DENND4A: variants seen among roughly 807,000 people sequenced by gnomAD.
The protein encoded by DENND4A is DENN domain containing 4A, also known as C-myc promoter-binding protein.
Under a neutral mutation model 199.3 loss-of-function variants are expected in DENND4A, and 70 were observed. The observed-to-expected ratio is 0.35, with a 90% CI of 0.29 to 0.43. DENND4A has a LOEUF of 0.43. Among genes scored for constraint, DENND4A ranks in the 20% least tolerant of loss-of-function variants. The pLI is 1.00. For synonymous variants in DENND4A, 686 were observed against 766.9 expected, an observed-to-expected ratio of 0.89 and a Z score of 1.74; for missense variants, 1,723 against 2,255.8, an observed-to-expected ratio of 0.76 and a Z score of 4.78.
intron 4 of DENND4A, among the ~76,000 whole-genome samples, 184 bp from the exon 5 acceptor site, chr15:65,741,968 GAAGTA>G (rs1257970985): frequency 1.3e-5 from 2 of 152,182 alleles, no homozygotes; most frequent in African/African-American, 4.8e-5. Context: ...TTTTCTTTCA[GAAGTA>G]AATTACTACT....
chr15:65,738,085 C>T (rs1250208727), intron 6 of DENND4A, 140 bp from the exon 7 acceptor site: 7 of 749,734 alleles, frequency 9.3e-6, no homozygotes, highest in Non-Finnish European at 1.5e-5. Context: ...AAGAGACACC[C>T]CTCCTGCTTT....
At chr15:65,750,229 G>GA (rs1213773093) in intron 4 of DENND4A, among the ~76,000 whole-genome samples, 1 of 152,022 alleles carries the variant, frequency 6.6e-6, no homozygotes, top group Non-Finnish European at 1.5e-5. Context: ...AACTAATGCA[G>GA]AAACAGAAAA....
chr15:65,720,965 A>C (rs983173651), intron 12 of DENND4A, among the ~76,000 whole-genome samples: 1 of 115,910 alleles, frequency 8.6e-6, no homozygotes, highest in Non-Finnish European at 1.9e-5. Flanking sequence ...ATATATATAT[A>C]TATATATATA....
chr15:65,750,284 G>T (rs2076527677), intron 4 of DENND4A, among the ~76,000 whole-genome samples: 1 of 152,014 alleles, frequency 6.6e-6, no homozygotes, highest in Admixed American at 6.6e-5. Flanking sequence ...CTAAATATTG[G>T]GTATACCTGG....
intron 11 of DENND4A, among the ~76,000 whole-genome samples, chr15:65,725,893 A>G (rs1452805820): frequency 6.6e-6 from 1 of 152,090 alleles, no homozygotes; most frequent in Admixed American, 6.6e-5. Flanking sequence ...CATACTTGGG[A>G]TTTGTTTTTC....
chr15:65,775,608 T>G (rs1472505652), intron 1 of DENND4A, among the ~76,000 whole-genome samples: 1 of 111,600 alleles, frequency 9.0e-6, no homozygotes, highest in Non-Finnish European at 1.6e-5. Flanking sequence ...GCCACTGCAC[T>G]CCAGCCTGGG....
rs760850251 is a variant in DENND4A at position 65,669,882 on chromosome 15, G to T, written c.4684C>A (p.Pro1562Thr). 8 of 1,613,906 alleles carry T rather than the reference G, an allele frequency of 5.0e-6. No homozygotes were observed. The Admixed American group carries it at 1.3e-4, about 27-fold the overall frequency. Residue 1562 changes from proline to threonine, a missense_variant, in exon 27 of 33, where the codon CCA becomes ACA. By Grantham distance (38) the Pro-to-Thr change is conservative. Around this residue, in one of 6 missense-constraint regions of DENND4A, gnomAD observed 141 missense variants for 170.7 expected, o/e 0.83. Coordinates refer to ENST00000443035, the MANE Select transcript of DENND4A (RefSeq NM_001320835.1). ...SSPSTENMHF[P>T]SSISSQTRQS... Reference sequence around the variant, plus strand: ...CTCGTCTGACTTGAAATGGAGGATGGAAAGTGCATATTTTCTGTTGATGGG... The same window carrying T: ...CTCGTCTGACTTGAAATGGAGGATGTAAAGTGCATATTTTCTGTTGATGGG...
chr15:65,791,682 TCCAGGACCTCCCCCTC>T (rs2077729828), intron 1 of DENND4A, among the ~76,000 whole-genome samples: 1 of 151,618 alleles, frequency 6.6e-6, no homozygotes, highest in African/African-American at 2.4e-5. Context: ...AAATCCCAGA[TCCAGGACCTCCCCCTC>T]CCCGCCCCCA....
intron 1 of DENND4A, among the ~76,000 whole-genome samples, chr15:65,762,702 T>C (rs1316632645): frequency 6.6e-6 from 1 of 152,216 alleles, no homozygotes; most frequent in East Asian, 1.9e-4. Flanking sequence ...TATAACTTTA[T>C]ATAGCATTTA....
chr15:65,788,854 TAAAAAA>T (rs34831088), intron 1 of DENND4A, among the ~76,000 whole-genome samples: 3 of 102,376 alleles, frequency 2.9e-5, no homozygotes, highest in African/African-American at 1.2e-4. Context: ...GGACTTGTCT[TAAAAAA>T]AAAAAAAAAA....
chr15:65,660,278 G>C lies in DENND4A; in HGVS notation c.*1573C>G, dbSNP rs758445794. On this transcript the variant is annotated 3_prime_UTR_variant, in exon 33 of 33. Coordinates refer to ENST00000443035, the MANE Select transcript of DENND4A (RefSeq NM_001320835.1). ...TTTAAACTCTCTCCATTATTTCCCA[G>C]AGTTGGAAGCTGTGAAATGTTTCAG... 1 of 1,534,830 alleles carries C rather than the reference G, an allele frequency of 6.5e-7. No homozygotes were observed. The highest frequency in any genetic ancestry group is 1.2e-5 in the South Asian group (1 of 84,026).
At chr15:65,714,653 T>C (rs1407823607) in intron 14 of DENND4A, among the ~76,000 whole-genome samples, 1 of 152,172 alleles carries the variant, frequency 6.6e-6, no homozygotes, top group Admixed American at 6.6e-5. Context: ...GCTATCCCCA[T>C]GAGGACACTC....
At chr15:65,762,619 G>C (rs1185597066) in intron 1 of DENND4A, among the ~76,000 whole-genome samples, 3 of 152,074 alleles carry the variant, frequency 2.0e-5, no homozygotes, top group Admixed American at 2.0e-4. Context: ...ACAGAGTAAA[G>C]CTCTATCTCC....
chr15:65,720,950 TATATATATATATA>T (rs2075609809), intron 12 of DENND4A, among the ~76,000 whole-genome samples: 9 of 30,350 alleles, frequency 3.0e-4, no homozygotes, highest in African/African-American at 6.6e-4. Flanking sequence ...TCATTGATTA[TATATATATATATA>T]TATATATATA....
chr15:65,780,633 G>A (rs952248356), intron 1 of DENND4A, among the ~76,000 whole-genome samples: 71 of 152,282 alleles, frequency 4.7e-4, no homozygotes, highest in African/African-American at 1.6e-3. Flanking sequence ...GCCTGGTGGA[G>A]AAGATACATA....
Position 65,667,415 on chromosome 15 carries a change from A to G in DENND4A, c.5241+34T>C, listed in dbSNP as rs147283344. On this transcript the variant is annotated intron_variant, in intron 29 of 32. Coordinates refer to ENST00000443035, the MANE Select transcript of DENND4A (RefSeq NM_001320835.1). ...ATGCAAACATTACAATGGTAACAGAAGCATTCATTGCCTTTTAATTTTTAG... is the reference window on the plus strand; with the variant it reads ...ATGCAAACATTACAATGGTAACAGAGGCATTCATTGCCTTTTAATTTTTAG... The G allele has an allele frequency of 2.8e-5, 44 of 1,599,544 alleles. 1 individual carries two copies. In the East Asian group the frequency reaches 8.7e-4, roughly 32 times the overall value.
intron 23 of DENND4A, among the ~76,000 whole-genome samples, chr15:65,685,450 A>G (rs1441622905): frequency 1.3e-5 from 2 of 152,196 alleles, no homozygotes; most frequent in African/African-American, 4.8e-5. Context: ...TAGCTCTTAC[A>G]TTTAGACATC....
chr15:65,660,111 A>C lies in DENND4A; in HGVS notation c.*1740T>G. 2 of 535,974 alleles carry C rather than the reference A, an allele frequency of 3.7e-6. No homozygotes were observed. The highest frequency in any genetic ancestry group is 3.3e-6 in the Non-Finnish European group (1 of 303,262). 33.2% of individuals were successfully genotyped at this position (535,974 alleles called of 1,614,324 possible). A position where few individuals can be genotyped will look rare whatever the true frequency, so the allele number is the denominator to read the frequency against. ...TCAAATGATTTAAAGAACATGAAGA[A>C]CAAGTAGAACATGAAGCTTGGATCT... On this transcript the variant is annotated 3_prime_UTR_variant, in exon 33 of 33. Transcript: ENST00000443035.
chr15:65,744,048 G>A (rs997173707), intron 4 of DENND4A, among the ~76,000 whole-genome samples: 1 of 152,100 alleles, frequency 6.6e-6, no homozygotes, highest in African/African-American at 2.4e-5. Context: ...AAGAAAGCAA[G>A]TACTCATAAT....
Sources: gnomAD v4.1 joint callset for allele counts (sites outside exome capture counted in the v4.1 genomes callset) on GRCh38, gnomAD v4.1.1 for gene constraint, gnomAD v4.1.1 regional missense constraint, MANE v1.5 for transcripts, NCBI Gene and HGNC (gene_info 2026-07-23, HGNC 2026-07-21) for gene names.